ZNF84: variants seen among roughly 807,000 people sequenced by gnomAD.
ZNF84 encodes zinc finger protein 84.
Under a neutral mutation model 14.8 loss-of-function variants are expected in ZNF84, and 12 were observed. The observed-to-expected ratio is 0.81, with a 90% CI of 0.52 to 1.31. ZNF84 has a LOEUF of 1.31. Among genes scored for constraint, ZNF84 ranks in the 50% most tolerant of loss-of-function variants. The pLI, the probability that ZNF84 is intolerant of heterozygous loss-of-function variation, is 0.00. For missense variants in ZNF84, 859 were observed against 878.6 expected (o/e 0.98, Z 0.28); for synonymous variants, 347 against 291.1 (o/e 1.19, Z -1.96).
At chr12:133,048,233 A>G (rs1250528473) in intron 3 of ZNF84, 152 bp downstream of exon 3, 1 of 646,044 alleles carries the variant, frequency 1.5e-6, no homozygotes, top group Non-Finnish European at 2.6e-6. Context: ...TTGGACTATG[A>G]CACCAAGAAA....
Position 133,057,258 on chromosome 12 carries a change from C to T in ZNF84, c.543C>T (p.Asp181=). 1 of 1,613,852 alleles carries T rather than the reference C, an allele frequency of 6.2e-7. No individual in the cohort carries two copies. The highest frequency in any genetic ancestry group is 8.5e-7 in the Non-Finnish European group (1 of 1,179,958). Reference sequence around the variant, plus strand: ...CTGATACCTGGTTAAAATACTATGACTGTGATAAATATAAAGAGAGCTATA... The same window carrying T: ...CTGATACCTGGTTAAAATACTATGATTGTGATAAATATAAAGAGAGCTATA... ...EDTDTWLKYY[D]CDKYKESYKK... is the part of the protein sequence containing the mutation. The change falls in exon 5 of 5, where the codon GAC becomes GAT. Residue 181 remains aspartate, a synonymous_variant. Transcript: ENST00000539354.
At chr12:133,045,392 A>G (rs1404974941) in intron 2 of ZNF84, among the ~76,000 whole-genome samples, 1 of 152,088 alleles carries the variant, frequency 6.6e-6, no homozygotes, top group East Asian at 1.9e-4. Context: ...AATTGCTTGA[A>G]CCTGAGAGGC....
chr12:133,046,344 A>C (rs1247109951), intron 2 of ZNF84, among the ~76,000 whole-genome samples: 3 of 115,252 alleles, frequency 2.6e-5, no homozygotes, highest in African/African-American at 6.9e-5. Context: ...TTCAGTCCTC[A>C]CAGTTTTTTT....
intron 2 of ZNF84, 35 bp from the exon 3 acceptor site, chr12:133,047,920 A>T: frequency 6.2e-7 from 1 of 1,612,014 alleles, no homozygotes; most frequent in South Asian, 1.1e-5. Context: ...TACGGTGTTA[A>T]CTGCTTCAGA....
At chr12:133,048,689 A>C in intron 3 of ZNF84, 64 bp from the exon 4 acceptor site, 1 of 1,274,588 alleles carries the variant, frequency 7.8e-7, no homozygotes, top group Admixed American at 1.9e-5. Context: ...AACCTTGCTC[A>C]ACTTTAGAGG....
chr12:133,062,411 A>G lies in ZNF84; in HGVS notation c.*3479A>G, dbSNP rs2137444858. 1 of 152,380 alleles carries G rather than the reference A, an allele frequency of 6.6e-6. No homozygotes were observed. The highest frequency in any genetic ancestry group is 6.5e-5 in the Admixed American group (1 of 15,310). The allele number at this position is 152,380 out of a possible 1,614,324, so 9.4% of individuals were successfully genotyped here. On this transcript the variant is annotated 3_prime_UTR_variant, in exon 5 of 5. Transcript: ENST00000539354. The stretch of plus-strand genomic sequence containing the variant: ...AAAGTAACTTTCTAGCAAAATCTAC[A>G]GCAGTAGGCATTTGGAATCTGCATT...
At chr12:133,052,545 G>T (rs1407731039) in intron 4 of ZNF84, among the ~76,000 whole-genome samples, 6 of 152,170 alleles carry the variant, frequency 3.9e-5, no homozygotes, top group Non-Finnish European at 7.3e-5. Flanking sequence ...GTGTGGTCCA[G>T]GCTCCTCTGA....
At position 133,055,727 on chromosome 12, in the gene ZNF84, T is replaced by C. The variant is rs368792454; in HGVS notation, c.239-1227T>C. Among the ~76,000 whole-genome samples, 154 of 152,192 alleles carry C rather than the reference T, an allele frequency of 1.0e-3. 4 individuals are homozygous for C. The East Asian group carries it at 0.02, about 20-fold the overall frequency. ...ATTGAAATAGAAAAAGTTTGATAAA[T>C]TCAACACCTATGAATGATAGAACAC... On this transcript the variant is annotated intron_variant, in intron 4 of 4. Coordinates refer to ENST00000539354, the MANE Select transcript of ZNF84 (RefSeq NM_001289971.2).
chr12:133,050,017 C>T (rs1049484221), intron 4 of ZNF84, among the ~76,000 whole-genome samples: 6 of 152,222 alleles, frequency 3.9e-5, no homozygotes, highest in Admixed American at 1.3e-4. Flanking sequence ...AGTTGAACCT[C>T]TTTACTCATT....
intron 4 of ZNF84, among the ~76,000 whole-genome samples, chr12:133,050,931 T>G (rs1954058109): frequency 6.6e-6 from 1 of 152,248 alleles, no homozygotes; most frequent in African/African-American, 2.4e-5. Context: ...AGCCTTGTCT[T>G]TGTTTTTATA....
intron 4 of ZNF84, 62 bp from the exon 5 acceptor site, chr12:133,056,892 G>C: frequency 7.0e-7 from 1 of 1,432,864 alleles, no homozygotes; most frequent in Non-Finnish European, 9.4e-7. Context: ...TTCTAGTTTT[G>C]TTTTGTTTTG....
chr12:133,042,231 A>G (rs1953899807), intron 2 of ZNF84, among the ~76,000 whole-genome samples: 1 of 152,224 alleles, frequency 6.6e-6, no homozygotes. Context: ...TAGTGATGCT[A>G]GTAATTCGGA....
chr12:133,052,362 T>C (rs1272091586), intron 4 of ZNF84, among the ~76,000 whole-genome samples: 1 of 152,158 alleles, frequency 6.6e-6, no homozygotes, highest in Non-Finnish European at 1.5e-5. Context: ...TTTTCTTTTT[T>C]TGAGACAGGG....
chr12:133,058,926 A>T lies in ZNF84; in HGVS notation c.2211A>T (p.Lys737Asn). 6.3e-7 allele frequency: 1 copy of T among 1,594,856 alleles called. No homozygotes were observed. The highest frequency in any genetic ancestry group is 8.5e-7 in the Non-Finnish European group (1 of 1,172,366). ...ATCAGAGAACTCATACAGTAAAAAAATCCTAGGAATACAGTTAATAGTAGT... is the reference window on the plus strand; with the variant it reads ...ATCAGAGAACTCATACAGTAAAAAATTCCTAGGAATACAGTTAATAGTAGT... ...INHQRTHTVKKS is the reference protein window; with the variant it reads ...INHQRTHTVKNS Residue 737 changes from lysine to asparagine, a missense_variant, in exon 5 of 5, where the codon AAA (lysine) becomes AAT (asparagine). Lys to Asn is a moderately conservative substitution (Grantham distance 94). Transcript: ENST00000539354.
At chr12:133,052,341 T>G (rs943348101) in intron 4 of ZNF84, among the ~76,000 whole-genome samples, 3 of 152,062 alleles carry the variant, frequency 2.0e-5, no homozygotes, top group African/African-American at 7.2e-5. Context: ...CTTGTGGGGT[T>G]TCTTTTTTCT....
rs983544200 is a variant in ZNF84, at chr12:133,047,891, A to T, written c.16-64A>T. 1.5e-5 allele frequency: 24 copies of T among 1,576,712 alleles called. No homozygotes were observed. In the South Asian group the frequency reaches 2.7e-4, roughly 18 times the overall value. On this transcript the variant is annotated intron_variant, in intron 2 of 4. Transcript: ENST00000539354. ...ATGAGAATGAAGTGCTAAAGCTCCA[A>T]TATTTTTTTCTCACATCATACGGTG...
rs2137326693 is a variant in ZNF84, at chr12:133,041,285, A to G, written c.-183A>G. On this transcript the variant is annotated 5_prime_UTR_variant, in exon 2 of 5. Transcript: ENST00000539354. ...AGTACATTTCTCCCGAAGTCCACAG[A>G]TCCTGGTCCCTACAAATAAGCCTGC... is the stretch of plus-strand genomic sequence containing the variant. 2.1e-5 allele frequency: 13 copies of G among 616,250 alleles called. No individual in the cohort carries two copies. The highest frequency in any genetic ancestry group is 2.6e-4 in the Middle Eastern group (1 of 3,888). 38.2% of individuals were successfully genotyped at this position (616,250 alleles called of 1,614,324 possible). A position where few individuals can be genotyped will look rare whatever the true frequency, so the allele number is the denominator to read the frequency against.
In ZNF84 at chr12:133,057,500, C is replaced by G. The variant is rs1427782434; in HGVS notation, c.785C>G (p.Pro262Arg). The G allele has an allele frequency of 6.8e-6, 11 of 1,614,078 alleles. No homozygotes were observed. In the South Asian group the frequency reaches 1.1e-4, roughly 16 times the overall value. The change falls in exon 5 of 5, where the codon CCT becomes CGT. Residue 262 changes from proline (P) to arginine (R), a missense_variant. Coordinates refer to ENST00000539354, the MANE Select transcript of ZNF84 (RefSeq NM_001289971.2). ...THHRTHTGEK[P>R]YNCSQCGKAF... is the part of the protein sequence containing the mutation. ...CACAGAACTCATACAGGAGAAAAAC[C>G]TTATAATTGTAGCCAGTGTGGGAAA...
At chr12:133,037,669 G>A (rs760083603) in intron 1 of ZNF84, 124 bp downstream of exon 1, 1 of 151,720 alleles carries the variant, frequency 6.6e-6, no homozygotes, top group African/African-American at 2.4e-5. Flanking sequence ...GCGGATGCGG[G>A]TCTGGGGCGG....
Sources: allele counts gnomAD v4.1 joint callset (sites outside exome capture counted in the v4.1 genomes callset), GRCh38; gene constraint gnomAD v4.1.1; transcripts MANE v1.5; gene names NCBI Gene and HGNC (gene_info 2026-07-23, HGNC 2026-07-21).